The following CYYR1 variants were observed in gnomAD, a reference collection of about 807,000 sequenced individuals.
CYYR1 encodes the protein cysteine and tyrosine-rich protein 1.
CYYR1 carries 14 observed loss-of-function variants against 15.2 expected under a neutral mutation model. The observed-to-expected ratio is 0.92, with a 90% CI of 0.61 to 1.44. The LOEUF (loss-of-function observed/expected upper bound fraction) is 1.44, where lower values mean the gene tolerates loss of function less well. Among genes scored for constraint, CYYR1 ranks in the 40% most tolerant of loss-of-function variants. The pLI is 0.00. For missense variants in CYYR1, 228 were observed against 209.5 expected, an observed-to-expected ratio of 1.09 and a Z score of -0.54; for synonymous variants, 80 against 77.4, an observed-to-expected ratio of 1.03 and a Z score of -0.18.
intron 2 of CYYR1, among the ~76,000 whole-genome samples, chr21:26,529,390 G>A (rs1460830334): frequency 6.6e-6 from 1 of 152,082 alleles, no homozygotes; most frequent in African/African-American, 2.4e-5. Context: ...ATATACATTG[G>A]AAGCACTCAC....
intron 2 of CYYR1, among the ~76,000 whole-genome samples, chr21:26,544,565 T>C (rs1047955798): frequency 2.5e-4 from 38 of 152,304 alleles, no homozygotes; most frequent in Admixed American, 1.1e-3. Flanking sequence ...CTTACAGAAC[T>C]AAATTTCACA....
chr21:26,509,319 A>G (rs2065614240), intron 2 of CYYR1, among the ~76,000 whole-genome samples: 1 of 152,174 alleles, frequency 6.6e-6, no homozygotes, highest in Non-Finnish European at 1.5e-5. Flanking sequence ...TCATTGGTCA[A>G]ATGTTACATT....
At chr21:26,471,932 C>A (rs1243502431) in intron 3 of CYYR1, among the ~76,000 whole-genome samples, 1 of 152,034 alleles carries the variant, frequency 6.6e-6, no homozygotes, top group Non-Finnish European at 1.5e-5. Flanking sequence ...CCATGAAATT[C>A]GGAGAAGAAA....
intron 2 of CYYR1, among the ~76,000 whole-genome samples, chr21:26,487,272 G>A (rs1423424971): frequency 6.6e-6 from 1 of 151,850 alleles, no homozygotes; most frequent in African/African-American, 2.4e-5. Flanking sequence ...CTTAAAGTAG[G>A]TTTATTTCTT....
intron 2 of CYYR1, among the ~76,000 whole-genome samples, chr21:26,493,317 G>C (rs2065352527): frequency 6.6e-6 from 1 of 152,136 alleles, no homozygotes; most frequent in South Asian, 2.1e-4. Context: ...GTAACATGGA[G>C]AGTGGATTTG....
intron 2 of CYYR1, among the ~76,000 whole-genome samples, chr21:26,537,803 G>T (rs1402562645): frequency 6.6e-6 from 1 of 152,008 alleles, no homozygotes; most frequent in Non-Finnish European, 1.5e-5. Context: ...TCAGGAGGTG[G>T]GGTCTGTTGG....
intron 2 of CYYR1, among the ~76,000 whole-genome samples, chr21:26,513,892 T>C (rs1355140630): frequency 1.6e-5 from 2 of 121,700 alleles, no homozygotes; most frequent in South Asian, 2.6e-4. Context: ...GGAAGGGGAC[T>C]ATCACACACC....
intron 2 of CYYR1, 78 bp from the exon 3 acceptor site, chr21:26,480,507 T>C (rs191520717): frequency 4.9e-5 from 69 of 1,401,594 alleles, no homozygotes; most frequent in Middle Eastern, 3.7e-4. Flanking sequence ...TCCATGATTA[T>C]AGGACAAGTG....
intron 2 of CYYR1, chr21:26,482,550 T>G (rs2065196427): frequency 1.0e-6 from 1 of 978,616 alleles, no homozygotes; most frequent in Non-Finnish European, 1.2e-6. Flanking sequence ...CTTGGTGAAC[T>G]GCATTGTTTG....
chr21:26,500,697 T>C (rs1193402394), intron 2 of CYYR1, among the ~76,000 whole-genome samples: 3 of 151,734 alleles, frequency 2.0e-5, no homozygotes, highest in African/African-American at 7.3e-5. Context: ...GGGTGGGAAA[T>C]GAGTGGGAAG....
intron 2 of CYYR1, among the ~76,000 whole-genome samples, chr21:26,519,291 T>A (rs1248557804): frequency 2.6e-5 from 4 of 152,154 alleles, no homozygotes; most frequent in Admixed American, 2.0e-4. Flanking sequence ...TATAAAATTG[T>A]ACAAAGTATA....
chr21:26,503,361 C>T (rs2065508280), intron 2 of CYYR1, among the ~76,000 whole-genome samples: 1 of 151,994 alleles, frequency 6.6e-6, no homozygotes, highest in African/African-American at 2.4e-5. Flanking sequence ...TCTACTTAAA[C>T]AGTATATTAC....
chr21:26,518,199 A>G (rs572715558), intron 2 of CYYR1, among the ~76,000 whole-genome samples: 1 of 152,204 alleles, frequency 6.6e-6, no homozygotes, highest in Non-Finnish European at 1.5e-5. Flanking sequence ...TGACCACCAG[A>G]AATTCCAAAC....
At chr21:26,520,137 T>TATATATATATATATATATATATATATAC (rs1320265726) in intron 2 of CYYR1, among the ~76,000 whole-genome samples, 1 of 129,756 alleles carries the variant, frequency 7.7e-6, no homozygotes, top group African/African-American at 2.9e-5. Flanking sequence ...TATATATATA[T>TATATATATATATATATATATATATATAC]ATATGCAGAA....
intron 2 of CYYR1, among the ~76,000 whole-genome samples, chr21:26,527,212 T>G (rs1051089540): frequency 1.3e-5 from 2 of 152,270 alleles, no homozygotes; most frequent in South Asian, 2.1e-4. Context: ...ACACTGCCAG[T>G]TTCCCTCTTG....
chr21:26,533,009 A>C (rs1440649760), intron 2 of CYYR1, among the ~76,000 whole-genome samples: 1 of 151,520 alleles, frequency 6.6e-6, no homozygotes, highest in Non-Finnish European at 1.5e-5. Context: ...ATGTATATGC[A>C]AATATTCCAA....
At chr21:26,531,581 C>T (rs765221578) in intron 2 of CYYR1, among the ~76,000 whole-genome samples, 3 of 152,064 alleles carry the variant, frequency 2.0e-5, no homozygotes, top group Non-Finnish European at 2.9e-5. Context: ...CTTGCTTCTC[C>T]TTCACTTTCC....
intron 2 of CYYR1, chr21:26,506,811 G>A (rs2065572861): frequency 6.6e-6 from 1 of 151,996 alleles, no homozygotes; most frequent in African/African-American, 2.4e-5. Context: ...AAATGACCCT[G>A]ACCCCTCATT....
chr21:26,497,159 A>G (rs2065416272), intron 2 of CYYR1, among the ~76,000 whole-genome samples: 1 of 152,186 alleles, frequency 6.6e-6, no homozygotes, highest in South Asian at 2.1e-4. Context: ...GGTCCTTAAA[A>G]CATCCTCATA....
Sources: gnomAD v4.1 joint callset for allele counts (sites outside exome capture counted in the v4.1 genomes callset) on GRCh38, gnomAD v4.1.1 for gene constraint, MANE v1.5 for transcripts, NCBI Gene and HGNC (gene_info 2026-07-23, HGNC 2026-07-21) for gene names.